The following DLGAP1 variants were observed in gnomAD, a reference collection of about 807,000 sequenced individuals.
DLGAP1 encodes DLG associated protein 1.
A neutral mutation model predicts 90.8 loss-of-function variants in DLGAP1; 11 were observed. The ratio of observed to expected loss-of-function variants is 0.12; its 90% CI spans 0.08 to 0.20. The LOEUF is 0.20. DLGAP1 is among the 10% of genes least tolerant of loss of function. The pLI, the probability that DLGAP1 is intolerant of heterozygous loss-of-function variation, is 1.00. For missense variants in DLGAP1, 1,050 were observed against 1,333.8 expected (o/e 0.79, Z 3.31); for synonymous variants, 558 against 540.7 (o/e 1.03, Z -0.44).
intron 5 of DLGAP1, among the ~76,000 whole-genome samples, chr18:3,744,688 C>T (rs994394387): frequency 3.9e-5 from 6 of 152,010 alleles, no homozygotes; most frequent in African/African-American, 1.5e-4. Context: ...CGGAATGACA[C>T]ACGCACGCCA....
At chr18:3,695,000 C>T (rs1421745801) in intron 7 of DLGAP1, among the ~76,000 whole-genome samples, 4 of 146,510 alleles carry the variant, frequency 2.7e-5, no homozygotes, top group South Asian at 4.3e-4. Context: ...AGTGCGGTGG[C>T]GTGCTCTTGG....
At chr18:4,158,432 G>A (rs1022385468) in intron 1 of DLGAP1, among the ~76,000 whole-genome samples, 1 of 152,032 alleles carries the variant, frequency 6.6e-6, no homozygotes, top group Non-Finnish European at 1.5e-5. Flanking sequence ...TTTTCACTTT[G>A]CCCTGGGCCC....
At chr18:3,704,489 G>C (rs1305836070) in intron 7 of DLGAP1, among the ~76,000 whole-genome samples, 2 of 151,946 alleles carry the variant, frequency 1.3e-5, no homozygotes, top group Non-Finnish European at 2.9e-5. Context: ...AGAATCGCTT[G>C]AACCCGGGAG....
intron 3 of DLGAP1, among the ~76,000 whole-genome samples, chr18:3,917,637 T>C (rs2072175758): frequency 6.6e-6 from 1 of 152,244 alleles, no homozygotes; most frequent in South Asian, 2.1e-4. Flanking sequence ...TATTCAACCA[T>C]CATTTGCTAT....
At chr18:4,122,089 T>A (rs1463582697) in intron 2 of DLGAP1, among the ~76,000 whole-genome samples, 1 of 152,176 alleles carries the variant, frequency 6.6e-6, no homozygotes. Flanking sequence ...GTGAGCAGGC[T>A]AGACAAGGGC....
intron 7 of DLGAP1, among the ~76,000 whole-genome samples, chr18:3,600,008 C>T (rs2056808760): frequency 6.6e-6 from 1 of 151,844 alleles, no homozygotes; most frequent in South Asian, 2.1e-4. Context: ...CATCCTCTAA[C>T]TCCTGGGCTC....
Position 3,498,960 on chromosome 18 carries a change from G to C in DLGAP1, c.*225C>G, listed in dbSNP as rs961658325. On this transcript the variant is annotated 3_prime_UTR_variant, in exon 13 of 13. Coordinates refer to ENST00000315677, the MANE Select transcript of DLGAP1 (RefSeq NM_004746.4). ...GAGGCAGGGCGACGGCATCAGGACA[G>C]GGGGCGAAGCTCGGTGAAGAAGGAG... is the stretch of plus-strand genomic sequence containing the variant. 7 of 557,160 alleles carry C rather than the reference G, an allele frequency of 1.3e-5. No homozygotes were observed. Among genetic ancestry groups the C allele is most frequent in the Non-Finnish European group, 2.2e-5 (7 of 318,810 alleles). 34.5% of individuals were successfully genotyped at this position (557,160 alleles called of 1,614,324 possible).
intron 1 of DLGAP1, among the ~76,000 whole-genome samples, chr18:4,332,945 A>C (rs1568519364): frequency 6.6e-6 from 1 of 151,960 alleles, no homozygotes; most frequent in Non-Finnish European, 1.5e-5. Context: ...CTCAGTTCTC[A>C]TCTTTATAAA....
intron 2 of DLGAP1, among the ~76,000 whole-genome samples, chr18:4,016,534 T>C (rs1028581253): frequency 6.6e-6 from 1 of 152,250 alleles, no homozygotes; most frequent in Non-Finnish European, 1.5e-5. Flanking sequence ...GCTATCATCA[T>C]GAAGGAAGGC....
At chr18:3,661,218 C>A (rs1240225850) in intron 7 of DLGAP1, among the ~76,000 whole-genome samples, 1 of 152,244 alleles carries the variant, frequency 6.6e-6, no homozygotes, top group East Asian at 1.9e-4. Context: ...GACAAAAAGC[C>A]TTAACATGAC....
At chr18:3,961,087 G>C (rs749127362) in intron 3 of DLGAP1, among the ~76,000 whole-genome samples, 9 of 152,168 alleles carry the variant, frequency 5.9e-5, no homozygotes, top group Non-Finnish European at 1.3e-4. Flanking sequence ...GTCGCCCTGG[G>C]CCGCTGGGGG....
chr18:4,299,387 T>G (rs1450080199), intron 1 of DLGAP1, among the ~76,000 whole-genome samples: 4 of 152,214 alleles, frequency 2.6e-5, no homozygotes, highest in Non-Finnish European at 5.9e-5. Flanking sequence ...GTTTGATTTT[T>G]TTAATTCAAA....
chr18:3,756,427 A>G (rs1402814748), intron 5 of DLGAP1, among the ~76,000 whole-genome samples: 1 of 152,180 alleles, frequency 6.6e-6, no homozygotes, highest in Non-Finnish European at 1.5e-5. Context: ...ACTAAATAAC[A>G]ATAGAAACCC....
intron 7 of DLGAP1, among the ~76,000 whole-genome samples, chr18:3,636,769 G>A (rs1184145789): frequency 2.2e-5 from 3 of 135,502 alleles, no homozygotes; most frequent in Non-Finnish European, 4.6e-5. Flanking sequence ...TCTCTTGACA[G>A]GCTGGAGTGC....
chr18:3,613,991 C>T (rs559286274), intron 7 of DLGAP1, among the ~76,000 whole-genome samples: 29 of 152,106 alleles, frequency 1.9e-4, no homozygotes, highest in Non-Finnish European at 3.4e-4. Context: ...GGCGCGATCT[C>T]AGCTCACTGC....
At position 4,113,976 on chromosome 18, in the gene DLGAP1, GT is replaced by G. The variant is rs796534756; in HGVS notation, c.-159+37203del. ...TTCTGTTCCATTGGTCTATGTGTCT[GT>G]TTTTTTGCCAGTACCATGCTGTTTT... is the stretch of plus-strand genomic sequence containing the variant. On this transcript the variant is annotated intron_variant, in intron 2 of 12. Coordinates refer to ENST00000315677, the MANE Select transcript of DLGAP1 (RefSeq NM_004746.4). Among the ~76,000 whole-genome samples the G allele has an allele frequency of 3.5e-3, 516 of 147,178 alleles. 2 individuals are homozygous for G. The highest frequency in any genetic ancestry group is 0.012 in the African/African-American group (490 of 40,168).
chr18:3,567,369 T>G (rs2054495456), intron 9 of DLGAP1, 121 bp downstream of exon 9: 2 of 808,646 alleles, frequency 2.5e-6, no homozygotes, highest in Non-Finnish European at 4.0e-6. Flanking sequence ...CTTCACCCTT[T>G]AAATACTCCC....
chr18:4,133,995 T>TAA (rs3215300), intron 2 of DLGAP1, among the ~76,000 whole-genome samples: 13 of 147,234 alleles, frequency 8.8e-5, no homozygotes, highest in East Asian at 5.9e-4. Flanking sequence ...ATAGTGGTCC[T>TAA]AAAAAAAAAA....
intron 1 of DLGAP1, among the ~76,000 whole-genome samples, chr18:4,362,734 T>G (rs2081656821): frequency 6.6e-6 from 1 of 152,186 alleles, no homozygotes; most frequent in African/African-American, 2.4e-5. Context: ...GATAGTAAAT[T>G]ATATGTTACG....
Sources: allele counts gnomAD v4.1 joint callset (sites outside exome capture counted in the v4.1 genomes callset), GRCh38; gene constraint gnomAD v4.1.1; transcripts MANE v1.5; gene names NCBI Gene and HGNC (gene_info 2026-07-23, HGNC 2026-07-21).